Variants in MYO6 observed in about 807,000 individuals in gnomAD.
The protein encoded by MYO6 is unconventional myosin-VI.
MYO6 carries 74 observed loss-of-function variants against 178.7 expected under a neutral mutation model. The observed-to-expected ratio is 0.41, with a 90% CI of 0.34 to 0.50. The LOEUF is 0.50. Ranked by LOEUF, MYO6 falls within the 20% of genes least tolerant of loss-of-function variation. The pLI, the probability that MYO6 is intolerant of heterozygous loss-of-function variation, is 0.09. For synonymous variants in MYO6, 477 were observed against 504.6 expected (o/e 0.95, Z 0.73); for missense variants, 1,330 against 1,547.4 (o/e 0.86, Z 2.36).
chr6:75,757,941 A>C (rs1171853908), intron 1 of MYO6, among the ~76,000 whole-genome samples: 1 of 127,016 alleles, frequency 7.9e-6, no homozygotes, highest in East Asian at 2.4e-4. Flanking sequence ...AGAGCAATAT[A>C]TTAGTGATTT....
At chr6:75,901,334 A>AT (rs1779759659) in intron 30 of MYO6, among the ~76,000 whole-genome samples, 1 of 152,142 alleles carries the variant, frequency 6.6e-6, no homozygotes, top group Non-Finnish European at 1.5e-5. Flanking sequence ...CAATATGGCC[A>AT]TTTTCACGAT....
chr6:75,881,769 A>G lies in MYO6; in HGVS notation c.2367A>G (p.Thr789=). The G allele has an allele frequency of 6.2e-7, 1 of 1,614,026 alleles. No homozygotes were observed. Among genetic ancestry groups the G allele is most frequent in the Non-Finnish European group, 8.5e-7 (1 of 1,179,922 alleles). Reference sequence around the variant, plus strand: ...TTAAAAGAGTCAATCACTGGCTCACATGCAGTCGCTGGAAGAAAGTTCAGT... The same window carrying G: ...TTAAAAGAGTCAATCACTGGCTCACGTGCAGTCGCTGGAAGAAAGTTCAGT... ...ELVKRVNHWL[T]CSRWKKVQWC... The change falls in exon 23 of 35, where the codon ACA becomes ACG. Residue 789 remains threonine, a synonymous_variant. Transcript: ENST00000369977.
intron 1 of MYO6, among the ~76,000 whole-genome samples, chr6:75,802,660 A>AT (rs1769606420): frequency 6.6e-6 from 1 of 151,548 alleles, no homozygotes; most frequent in Non-Finnish European, 1.5e-5. Flanking sequence ...TAGTTTTTGT[A>AT]TTTTTTGTAG....
At chr6:75,910,037 G>A (rs575989446) in intron 32 of MYO6, among the ~76,000 whole-genome samples, 4 of 152,252 alleles carry the variant, frequency 2.6e-5, no homozygotes, top group African/African-American at 7.2e-5. Context: ...ACTATGCAAG[G>A]GCAGTGGGAG....
At chr6:75,756,580 G>A (rs11963710) in intron 1 of MYO6, among the ~76,000 whole-genome samples, 4,969 of 152,138 alleles carry the variant, frequency 0.033, 176 homozygotes, top group East Asian at 0.13. Flanking sequence ...TGATCTGCCC[G>A]CCTTCGCCTC....
intron 1 of MYO6, among the ~76,000 whole-genome samples, chr6:75,764,285 A>G (rs1049722223): frequency 2.0e-5 from 3 of 152,000 alleles, no homozygotes; most frequent in African/African-American, 7.3e-5. Context: ...CACTCATCAC[A>G]CCTGTGCCAT....
chr6:75,895,796 G>A (rs1020658640), intron 29 of MYO6, among the ~76,000 whole-genome samples: 6 of 152,144 alleles, frequency 3.9e-5, no homozygotes, highest in South Asian at 2.1e-4. Context: ...GATTACAGGC[G>A]TGAGTCACTG....
At chr6:75,753,980 C>T (rs547532033) in intron 1 of MYO6, among the ~76,000 whole-genome samples, 1 of 152,192 alleles carries the variant, frequency 6.6e-6, no homozygotes, top group African/African-American at 2.4e-5. Flanking sequence ...CCTGTGAGTA[C>T]TGAAGCATAA....
At chr6:75,911,320 T>C (rs1480304118) in intron 32 of MYO6, among the ~76,000 whole-genome samples, 3 of 152,058 alleles carry the variant, frequency 2.0e-5, no homozygotes, top group African/African-American at 7.2e-5. Context: ...TTATTTTCTA[T>C]GAAAATTCTA....
At chr6:75,867,967 T>C (rs1180089541) in intron 18 of MYO6, among the ~76,000 whole-genome samples, 2 of 152,144 alleles carry the variant, frequency 1.3e-5, no homozygotes, top group Non-Finnish European at 2.9e-5. Context: ...TAATTTCTTA[T>C]ATATTTCTAC....
At chr6:75,782,990 C>G (rs969970001) in intron 1 of MYO6, among the ~76,000 whole-genome samples, 1 of 149,308 alleles carries the variant, frequency 6.7e-6, no homozygotes, top group African/African-American at 2.5e-5. Context: ...TCGCAGCTCA[C>G]TGCAGCCTTG....
chr6:75,915,326 A>C lies in MYO6; in HGVS notation c.*314A>C, dbSNP rs1279297766. Reference sequence around the variant, plus strand: ...CTTACATCCATCGTAATTGTTCTCTAGGAAAAGAGAACTTTTTTCAAAATT... The same window carrying C: ...CTTACATCCATCGTAATTGTTCTCTCGGAAAAGAGAACTTTTTTCAAAATT... On this transcript the variant is annotated 3_prime_UTR_variant, in exon 35 of 35. Coordinates refer to ENST00000369977, the MANE Select transcript of MYO6 (RefSeq NM_004999.4). 1 of 382,252 alleles carries C rather than the reference A, an allele frequency of 2.6e-6. No homozygotes were observed. Among genetic ancestry groups the C allele is most frequent in the Non-Finnish European group, 4.9e-6 (1 of 203,602 alleles). 23.7% of individuals were successfully genotyped at this position (382,252 alleles called of 1,614,324 possible). A position where few individuals can be genotyped will look rare whatever the true frequency, so the allele number is the denominator to read the frequency against.
intron 2 of MYO6, among the ~76,000 whole-genome samples, chr6:75,821,043 A>G (rs1771821274): frequency 6.6e-6 from 1 of 152,350 alleles, no homozygotes; most frequent in East Asian, 1.9e-4. Context: ...AGAGAAAACA[A>G]TTAATGAAAC....
chr6:75,874,189 C>T (rs2088950845), intron 20 of MYO6, among the ~76,000 whole-genome samples: 1 of 152,190 alleles, frequency 6.6e-6, no homozygotes, highest in Non-Finnish European at 1.5e-5. Context: ...AAAGGCCTCT[C>T]CCCAACTATA....
chr6:75,870,511 G>T, intron 18 of MYO6, 136 bp from the exon 19 acceptor site: 1 of 710,770 alleles, frequency 1.4e-6, no homozygotes, highest in Non-Finnish European at 2.5e-6. Flanking sequence ...GTACCAGGAG[G>T]TTGTTAAACT....
intron 1 of MYO6, among the ~76,000 whole-genome samples, chr6:75,755,596 G>T (rs944849171): frequency 1.3e-5 from 2 of 152,136 alleles, no homozygotes; most frequent in African/African-American, 4.8e-5. Context: ...AAAGGAAGGA[G>T]AAAAATGTTC....
chr6:75,831,198 G>T (rs1773041018), intron 5 of MYO6, among the ~76,000 whole-genome samples: 1 of 152,116 alleles, frequency 6.6e-6, no homozygotes, highest in South Asian at 2.1e-4. Context: ...ACCAAATGCG[G>T]AGGTGTTAGC....
At chr6:75,871,995 G>C (rs1180782617) in intron 19 of MYO6, among the ~76,000 whole-genome samples, 2 of 152,012 alleles carry the variant, frequency 1.3e-5, no homozygotes, top group Non-Finnish European at 2.9e-5. Context: ...TGGGCATGGT[G>C]GGGCGCACTT....
At chr6:75,860,749 T>C (rs1286993247) in intron 14 of MYO6, among the ~76,000 whole-genome samples, 1 of 152,240 alleles carries the variant, frequency 6.6e-6, no homozygotes, top group Non-Finnish European at 1.5e-5. Context: ...ATTGTTCTTC[T>C]AAATTACACT....
Sources: gnomAD v4.1 joint callset for allele counts (sites outside exome capture counted in the v4.1 genomes callset) on GRCh38, gnomAD v4.1.1 for gene constraint, MANE v1.5 for transcripts, NCBI Gene and HGNC (gene_info 2026-07-23, HGNC 2026-07-21) for gene names.